SLC24A2: variants seen among roughly 807,000 people sequenced by gnomAD.
SLC24A2 encodes sodium/potassium/calcium exchanger 2.
In SLC24A2, 36 loss-of-function variants were observed where a neutral mutation model predicts 62.0. That is an observed-to-expected ratio of 0.58 (90% confidence interval 0.44 to 0.77). SLC24A2 has a LOEUF of 0.77. Among genes scored for constraint, SLC24A2 ranks in the 30% least tolerant of loss-of-function variants. SLC24A2 has a pLI of 0.00. For synonymous variants in SLC24A2, 358 were observed against 294.0 expected, an observed-to-expected ratio of 1.22 and a Z score of -2.23; for missense variants, 846 against 817.9, an observed-to-expected ratio of 1.03 and a Z score of -0.42.
chr9:20,003,147 C>T, the SLC24A2 span, among the ~76,000 whole-genome samples: 1 of 152,122 alleles, frequency 6.6e-6, no homozygotes, highest in African/African-American at 2.4e-5. Context: ...GAGAGGATTC[C>T]CCCAAAATGT....
chr9:20,261,557 G>T, the SLC24A2 span, among the ~76,000 whole-genome samples: 1 of 152,136 alleles, frequency 6.6e-6, no homozygotes, highest in South Asian at 2.1e-4. Context: ...CACCTGGTAG[G>T]CCCCACCACC....
chr9:20,138,873 A>G, the SLC24A2 span, among the ~76,000 whole-genome samples: 2 of 152,228 alleles, frequency 1.3e-5, no homozygotes, highest in East Asian at 1.9e-4. Flanking sequence ...TTTCGCTCCC[A>G]GGCGAAGGCC....
At chr9:20,237,564 C>A in the SLC24A2 span, among the ~76,000 whole-genome samples, 1 of 152,206 alleles carries the variant, frequency 6.6e-6, no homozygotes, top group Non-Finnish European at 1.5e-5. Context: ...GTTAGAGAAG[C>A]CCTGAGCACA....
At chr9:19,836,160 A>G in the SLC24A2 span, among the ~76,000 whole-genome samples, 1 of 152,200 alleles carries the variant, frequency 6.6e-6, no homozygotes, top group Non-Finnish European at 1.5e-5. Context: ...CATCACAATT[A>G]AAAGAACTAG....
At chr9:19,812,481 G>A in the SLC24A2 span, among the ~76,000 whole-genome samples, 1 of 151,786 alleles carries the variant, frequency 6.6e-6, no homozygotes, top group Non-Finnish European at 1.5e-5. Flanking sequence ...TTACTTTCAG[G>A]TATTATGTTT....
the SLC24A2 span, among the ~76,000 whole-genome samples, chr9:19,908,894 C>G: frequency 6.6e-6 from 1 of 151,954 alleles, no homozygotes; most frequent in Non-Finnish European, 1.5e-5. Flanking sequence ...GGACTGTAAA[C>G]TAGTTCAACT....
the SLC24A2 span, among the ~76,000 whole-genome samples, chr9:20,100,456 T>G: frequency 6.6e-6 from 1 of 152,300 alleles, no homozygotes; most frequent in African/African-American, 2.4e-5. Context: ...ACTACACAAC[T>G]ATATACATCT....
At chr9:19,922,435 A>C in the SLC24A2 span, among the ~76,000 whole-genome samples, 12 of 152,100 alleles carry the variant, frequency 7.9e-5, no homozygotes, top group African/African-American at 2.4e-4. Flanking sequence ...TAGACATTTA[A>C]ATTTTTTCAT....
At chr9:19,874,997 A>C in the SLC24A2 span, among the ~76,000 whole-genome samples, 1 of 34,788 alleles carries the variant, frequency 2.9e-5, no homozygotes, top group Non-Finnish European at 7.7e-5. Context: ...CCAGAATTAC[A>C]AAAAAAAAAA....
Position 19,786,342 on chromosome 9 carries a change from A to G in SLC24A2, c.525T>C (p.Ala175=). ...CTCCTGCAGCCATGAAGGTGGCTCC[A>G]GCCACATCATCAGAGATGCCCAGTT... The part of the protein sequence containing the change: ...TEKLGISDDV[A]GATFMAAGGS... Residue 175 remains alanine (A), a synonymous_variant, in exon 2 of 11, where the codon GCT becomes GCC. Coordinates refer to ENST00000341998, the MANE Select transcript of SLC24A2 (RefSeq NM_020344.4). The surrounding 1 kb of genome is among the most constrained non-coding windows in gnomAD (Gnocchi z 5.0). 3 of 1,614,244 alleles carry G rather than the reference A, an allele frequency of 1.9e-6. No homozygotes were observed. Among genetic ancestry groups the G allele is most frequent in the Non-Finnish European group, 2.5e-6 (3 of 1,180,048 alleles).
At chr9:19,984,237 G>A in the SLC24A2 span, among the ~76,000 whole-genome samples, 1 of 151,804 alleles carries the variant, frequency 6.6e-6, no homozygotes, top group East Asian at 1.9e-4. Context: ...AAACAGAAAA[G>A]TTCATTCTCA....
the SLC24A2 span, among the ~76,000 whole-genome samples, chr9:20,167,206 C>G: frequency 6.6e-6 from 1 of 152,062 alleles, no homozygotes; most frequent in Admixed American, 6.6e-5. Flanking sequence ...AAGACTTTGA[C>G]TGTATACATT....
chr9:19,620,788 T>G (rs564829978), intron 3 of SLC24A2, among the ~76,000 whole-genome samples: 4 of 152,214 alleles, frequency 2.6e-5, no homozygotes, highest in African/African-American at 9.6e-5. Flanking sequence ...GGAATTAATT[T>G]CTTATTGAAC....
At chr9:19,570,919 A>G (rs1835818695) in intron 7 of SLC24A2, among the ~76,000 whole-genome samples, 1 of 151,856 alleles carries the variant, frequency 6.6e-6, no homozygotes, top group South Asian at 2.1e-4. Flanking sequence ...TTGCTCTTGA[A>G]CTCTGAGCCT....
At chr9:19,650,274 T>G (rs1284378979) in intron 2 of SLC24A2, among the ~76,000 whole-genome samples, 1 of 152,110 alleles carries the variant, frequency 6.6e-6, no homozygotes, top group African/African-American at 2.4e-5. Context: ...ACTAATTGGG[T>G]CTCAGGAGTC....
At position 19,636,281 on chromosome 9, in the gene SLC24A2, C is replaced by CTTTTCTTTTCTT. The variant is rs768881798; in HGVS notation, c.931-13983_931-13982insAAGAAAAGAAAA. ...TTTTCTTTTCTTCTCTTCTTCTCTTCTTCTCTTCTTTTCTTTTCTTTTCTT... is the reference window on the plus strand; with the variant it reads ...TTTTCTTTTCTTCTCTTCTTCTCTTCTTTTCTTTTCTTTTCTCTTCTTTTCTTTTCTTTTCTT... On this transcript the variant is annotated intron_variant, in intron 2 of 10. Coordinates refer to ENST00000341998, the MANE Select transcript of SLC24A2 (RefSeq NM_020344.4). Among the ~76,000 whole-genome samples the CTTTTCTTTTCTT allele has an allele frequency of 4.0e-3, 294 of 74,152 alleles. 45 individuals carry two copies. Among genetic ancestry groups the CTTTTCTTTTCTT allele is most frequent in the Non-Finnish European group, 5.2e-3 (185 of 35,610 alleles). 48.6% of individuals were successfully genotyped at this position (74,152 alleles called of 152,430 possible).
chr9:19,984,455 C>T, the SLC24A2 span, among the ~76,000 whole-genome samples: 1 of 152,154 alleles, frequency 6.6e-6, no homozygotes, highest in Non-Finnish European at 1.5e-5. Context: ...CCTGTAATTG[C>T]AGCACTTTGG....
At chr9:19,556,185 A>G (rs989820896) in intron 7 of SLC24A2, among the ~76,000 whole-genome samples, 1 of 152,216 alleles carries the variant, frequency 6.6e-6, no homozygotes, top group African/African-American at 2.4e-5. Flanking sequence ...TAGCTGGTCC[A>G]GATGCTCATA....
the SLC24A2 span, among the ~76,000 whole-genome samples, chr9:20,139,764 A>G: frequency 6.6e-5 from 10 of 152,200 alleles, no homozygotes; most frequent in Non-Finnish European, 1.3e-4. Context: ...GAATCCACAC[A>G]CTAAGACTGG....
Sources: allele counts gnomAD v4.1 joint callset (sites outside exome capture counted in the v4.1 genomes callset), GRCh38; gene constraint gnomAD v4.1.1; non-coding constraint Gnocchi (gnomAD v3.1); transcripts MANE v1.5; gene names NCBI Gene and HGNC (gene_info 2026-07-23, HGNC 2026-07-21).